The following SORCS3 variants were observed in gnomAD, a reference collection of about 807,000 sequenced individuals.
The protein encoded by SORCS3 is sortilin related VPS10 domain containing receptor 3, also known as VPS10 domain-containing receptor SorCS3.
In SORCS3, 57 loss-of-function variants were observed where a neutral mutation model predicts 146.3. The observed-to-expected ratio is 0.39, with a 90% CI of 0.31 to 0.49. The LOEUF (loss-of-function observed/expected upper bound fraction) is 0.49. SORCS3 is among the 20% of genes least tolerant of loss of function. The pLI, the probability that SORCS3 is intolerant of heterozygous loss-of-function variation, is 0.92. For missense variants in SORCS3, 1,341 were observed against 1,575.5 expected (o/e 0.85, Z 2.52); for synonymous variants, 653 against 618.5 (o/e 1.06, Z -0.83).
chr10:104,797,186 C>T (rs2017566295), intron 1 of SORCS3, among the ~76,000 whole-genome samples: 1 of 152,086 alleles, frequency 6.6e-6, no homozygotes, highest in African/African-American at 2.4e-5. Context: ...CAATGCAAGA[C>T]TCGGGGCTAA....
intron 14 of SORCS3, among the ~76,000 whole-genome samples, chr10:105,193,656 A>G (rs2056529259): frequency 6.6e-6 from 1 of 152,208 alleles, no homozygotes; most frequent in African/African-American, 2.4e-5. Context: ...ACTGATTTCA[A>G]ACAATCTTTT....
intron 3 of SORCS3, among the ~76,000 whole-genome samples, chr10:104,957,917 C>T (rs771409739): frequency 1.8e-4 from 28 of 152,166 alleles, no homozygotes; most frequent in African/African-American, 5.1e-4. Flanking sequence ...AAAACCCAAA[C>T]GCCTATGATC....
intron 16 of SORCS3, among the ~76,000 whole-genome samples, chr10:105,205,208 A>T (rs1018913218): frequency 5.9e-5 from 9 of 152,166 alleles, no homozygotes; most frequent in African/African-American, 2.2e-4. Context: ...GGGAAGGATG[A>T]ATTAAAGTCT....
intron 2 of SORCS3, among the ~76,000 whole-genome samples, chr10:104,899,741 A>G (rs914649134): frequency 1.3e-5 from 2 of 152,236 alleles, no homozygotes; most frequent in African/African-American, 4.8e-5. Context: ...TCCATCAGAT[A>G]TCTTGAACAT....
At chr10:105,155,222 A>G (rs1311106383) in intron 9 of SORCS3, among the ~76,000 whole-genome samples, 1 of 152,154 alleles carries the variant, frequency 6.6e-6, no homozygotes, top group East Asian at 1.9e-4. Flanking sequence ...TAATTTGTTA[A>G]CCTGCTCACC....
Position 105,082,621 on chromosome 10 carries a change from T to C in SORCS3, c.1029-7154T>C, listed in dbSNP as rs143257938. On this transcript the variant is annotated intron_variant, in intron 5 of 26. Coordinates refer to ENST00000369701, the MANE Select transcript of SORCS3 (RefSeq NM_014978.3). Reference sequence around the variant, plus strand: ...ACAGAGGGCCTGATCCTAGTTCCCTTCTTGAAGAAGACTGGAAAAATCTAC... The same window carrying C: ...ACAGAGGGCCTGATCCTAGTTCCCTCCTTGAAGAAGACTGGAAAAATCTAC... Among the ~76,000 whole-genome samples the C allele has an allele frequency of 5.9e-5, 9 of 152,350 alleles. No homozygotes were observed. In the East Asian group the frequency reaches 1.5e-3, roughly 26 times the overall value.
intron 7 of SORCS3, among the ~76,000 whole-genome samples, chr10:105,128,333 C>A (rs1003186025): frequency 3.9e-5 from 6 of 152,032 alleles, no homozygotes; most frequent in African/African-American, 1.4e-4. Context: ...GGCTTAAATC[C>A]GTCTACTGTT....
rs184403447 is a variant in SORCS3 at position 105,245,921 on chromosome 10, C to A, written c.2992+256C>A. 9.1e-4 allele frequency among the ~76,000 whole-genome samples: 138 copies of A among 152,238 alleles called. 1 individual carries two copies. Among genetic ancestry groups the A allele is most frequent in the Non-Finnish European group, 1.4e-3 (96 of 68,022 alleles). ...TTGGGGTTCTTATTAGACAAAGACA[C>A]GTATCACAAATTGAAGGAAATGCAA... On this transcript the variant is annotated intron_variant, in intron 21 of 26. Coordinates refer to ENST00000369701, the MANE Select transcript of SORCS3 (RefSeq NM_014978.3).
chr10:104,836,115 G>T (rs1407112502), intron 1 of SORCS3, among the ~76,000 whole-genome samples: 1 of 152,152 alleles, frequency 6.6e-6, no homozygotes, highest in East Asian at 1.9e-4. Flanking sequence ...TTGGGCAAGT[G>T]AATTTAGACC....
intron 1 of SORCS3, among the ~76,000 whole-genome samples, chr10:104,717,586 T>C (rs1252163259): frequency 6.6e-6 from 1 of 152,106 alleles, no homozygotes; most frequent in Non-Finnish European, 1.5e-5. Context: ...GTCTTCTCCC[T>C]GATGATCACA....
intron 20 of SORCS3, among the ~76,000 whole-genome samples, chr10:105,229,076 G>A (rs2056752229): frequency 6.6e-6 from 1 of 151,920 alleles, no homozygotes; most frequent in Non-Finnish European, 1.5e-5. Context: ...GTTTGAGTGG[G>A]TTATTTCCAA....
chr10:105,030,595 CTTTTTTTT>C (rs34314523), intron 4 of SORCS3, among the ~76,000 whole-genome samples: 1 of 144,122 alleles, frequency 6.9e-6, no homozygotes, highest in Non-Finnish European at 1.5e-5. Context: ...GCTGAAGATC[CTTTTTTTT>C]TTTTTTGAGA....
At chr10:105,226,466 C>T in intron 20 of SORCS3, among the ~76,000 whole-genome samples, 1 of 151,852 alleles carries the variant, frequency 6.6e-6, no homozygotes, top group Non-Finnish European at 1.5e-5. Context: ...GTTAGTATTT[C>T]ATTGAGAATT....
intron 2 of SORCS3, among the ~76,000 whole-genome samples, chr10:104,904,583 G>A (rs1223475157): frequency 1.3e-5 from 2 of 152,028 alleles, no homozygotes; most frequent in African/African-American, 4.8e-5. Context: ...ACACTGGAAT[G>A]TTGTAAGGCT....
At chr10:105,183,954 C>G (rs1354697480) in intron 14 of SORCS3, among the ~76,000 whole-genome samples, 1 of 152,166 alleles carries the variant, frequency 6.6e-6, no homozygotes, top group Non-Finnish European at 1.5e-5. Context: ...TGTTTACCAC[C>G]TATGTGACTT....
intron 13 of SORCS3, among the ~76,000 whole-genome samples, chr10:105,174,780 G>A (rs1004637489): frequency 6.6e-6 from 1 of 151,960 alleles, no homozygotes; most frequent in African/African-American, 2.4e-5. Flanking sequence ...TGCTCCTTCC[G>A]TGTGAACTCA....
intron 1 of SORCS3, among the ~76,000 whole-genome samples, chr10:104,802,675 CAT>C (rs1208322823): frequency 6.6e-6 from 1 of 152,174 alleles, no homozygotes; most frequent in Non-Finnish European, 1.5e-5. Context: ...AAAAATGAAA[CAT>C]AAACAGAATT....
At chr10:105,008,713 C>G (rs776219655) in intron 4 of SORCS3, among the ~76,000 whole-genome samples, 6 of 152,204 alleles carry the variant, frequency 3.9e-5, no homozygotes, top group Admixed American at 2.0e-4. Flanking sequence ...GTGGCGCCAT[C>G]TCAAGTCACT....
At chr10:104,856,054 A>G (rs890847567) in intron 2 of SORCS3, among the ~76,000 whole-genome samples, 4 of 152,114 alleles carry the variant, frequency 2.6e-5, no homozygotes, top group African/African-American at 9.7e-5. Flanking sequence ...TTGAATGTTT[A>G]TTGTGAACTC....
Sources: gnomAD v4.1 joint callset for allele counts (sites outside exome capture counted in the v4.1 genomes callset) on GRCh38, gnomAD v4.1.1 for gene constraint, MANE v1.5 for transcripts, NCBI Gene and HGNC (gene_info 2026-07-23, HGNC 2026-07-21) for gene names.